HMCN1: variants seen among roughly 807,000 people sequenced by gnomAD.
The protein encoded by HMCN1 is hemicentin-1.
HMCN1 carries 321 observed loss-of-function variants against 625.9 expected under a neutral mutation model. The ratio of observed to expected loss-of-function variants is 0.51; its 90% CI spans 0.47 to 0.56. The LOEUF (loss-of-function observed/expected upper bound fraction) is 0.56, where lower values mean the gene tolerates loss of function less well. HMCN1 is among the 20% of genes least tolerant of loss of function. HMCN1 has a pLI of 0.00. For missense variants in HMCN1, 6,588 were observed against 6,887.3 expected, an observed-to-expected ratio of 0.96 and a Z score of 1.54; for synonymous variants, 2,425 against 2,417.6, an observed-to-expected ratio of 1.00 and a Z score of -0.09.
intron 97 of HMCN1, among the ~76,000 whole-genome samples, chr1:186,158,173 G>T (rs1164156922): frequency 6.7e-6 from 1 of 149,986 alleles, no homozygotes; most frequent in African/African-American, 2.5e-5. Flanking sequence ...GTTTTGATTT[G>T]CATTTCTCTG....
intron 1 of HMCN1, among the ~76,000 whole-genome samples, chr1:185,754,649 A>G (rs1454826147): frequency 6.6e-6 from 1 of 152,200 alleles, no homozygotes; most frequent in African/African-American, 2.4e-5. Flanking sequence ...AAGAAATTTG[A>G]GACCAGCCTG....
chr1:185,781,818 T>G (rs1657136775), intron 1 of HMCN1, among the ~76,000 whole-genome samples: 1 of 152,246 alleles, frequency 6.6e-6, no homozygotes, highest in Admixed American at 6.5e-5. Context: ...GAAGCATGTA[T>G]GTTCTGTTGA....
intron 11 of HMCN1, among the ~76,000 whole-genome samples, chr1:185,959,107 G>A (rs1161675050): frequency 6.6e-6 from 1 of 152,104 alleles, no homozygotes; most frequent in African/African-American, 2.4e-5. Flanking sequence ...ATATACCAGT[G>A]GTGACAAATA....
At chr1:185,848,283 T>A (rs1010430065) in intron 2 of HMCN1, among the ~76,000 whole-genome samples, 1 of 152,082 alleles carries the variant, frequency 6.6e-6, no homozygotes, top group African/African-American at 2.4e-5. Flanking sequence ...TTTTGCTAAA[T>A]GCAATGGAAA....
At chr1:186,174,230 A>G (rs1349742883) in intron 102 of HMCN1, among the ~76,000 whole-genome samples, 1 of 152,234 alleles carries the variant, frequency 6.6e-6, no homozygotes, top group Admixed American at 6.5e-5. Context: ...TTGTATAAAT[A>G]AGATGGCAAA....
chr1:186,027,466 A>G lies in HMCN1; in HGVS notation c.5749+4313A>G, dbSNP rs117532572. 1.3e-3 allele frequency among the ~76,000 whole-genome samples: 203 copies of G among 152,334 alleles called. 2 individuals are homozygous for G. The East Asian group carries it at 0.031, about 24-fold the overall frequency. On this transcript the variant is annotated intron_variant, in intron 36 of 106. Coordinates refer to ENST00000271588, the MANE Select transcript of HMCN1 (RefSeq NM_031935.3). ...AAATTAACCAAGGTGAAACACCCAGAAAAAGTAAAATATTGTGGCTTCAAA... is the reference window on the plus strand; with the variant it reads ...AAATTAACCAAGGTGAAACACCCAGGAAAAGTAAAATATTGTGGCTTCAAA...
intron 1 of HMCN1, among the ~76,000 whole-genome samples, chr1:185,838,424 A>C (rs951603510): frequency 6.6e-6 from 1 of 152,120 alleles, no homozygotes; most frequent in Admixed American, 6.5e-5. Flanking sequence ...TGCCCCACTC[A>C]AAGATGGTGC....
intron 70 of HMCN1, among the ~76,000 whole-genome samples, chr1:186,107,351 T>G (rs1045241035): frequency 1.3e-5 from 2 of 152,228 alleles, no homozygotes; most frequent in African/African-American, 4.8e-5. Context: ...TTTTGAGTTA[T>G]TTGATTAGTT....
chr1:186,014,792 A>T (rs1365862438), intron 30 of HMCN1, among the ~76,000 whole-genome samples: 6 of 152,152 alleles, frequency 3.9e-5, no homozygotes, highest in Non-Finnish European at 5.9e-5. Flanking sequence ...GTTGTACCAC[A>T]TGTGACATTT....
chr1:185,758,015 A>T (rs942046952), intron 1 of HMCN1, among the ~76,000 whole-genome samples: 3 of 152,220 alleles, frequency 2.0e-5, no homozygotes, highest in African/African-American at 4.8e-5. Flanking sequence ...AAAATGATTT[A>T]AAAAATCACC....
intron 4 of HMCN1, among the ~76,000 whole-genome samples, chr1:185,876,917 G>A (rs1663975687): frequency 6.6e-6 from 1 of 151,712 alleles, no homozygotes; most frequent in Non-Finnish European, 1.5e-5. Flanking sequence ...TTTTGTTTAA[G>A]TCCCATTTAT....
At position 186,112,994 on chromosome 1, in the gene HMCN1, A is replaced by G. The variant is rs200257427; in HGVS notation, c.11131+41A>G. 169 of 1,607,506 alleles carry G rather than the reference A, an allele frequency of 1.1e-4. No homozygotes were observed. The African/African-American group carries it at 1.7e-3, about 17-fold the overall frequency. ...CATTGTTCCACAATTTAAAAATCTG[A>G]CCAAGGGCATTCAAAGAGATGATAG... On this transcript the variant is annotated intron_variant, in intron 72 of 106. Transcript: ENST00000271588.
chr1:186,097,981 G>C (rs777196783), intron 68 of HMCN1, among the ~76,000 whole-genome samples: 2 of 152,118 alleles, frequency 1.3e-5, no homozygotes, highest in Non-Finnish European at 2.9e-5. Context: ...ATGGTGCTGG[G>C]AAAATTGGGA....
intron 35 of HMCN1, among the ~76,000 whole-genome samples, chr1:186,022,408 T>G (rs778450622): frequency 6.6e-6 from 1 of 152,102 alleles, no homozygotes; most frequent in Non-Finnish European, 1.5e-5. Context: ...CCAAATGCTA[T>G]AGATGGTAGA....
intron 47 of HMCN1, 59 bp downstream of exon 47, chr1:186,062,023 A>C (rs1657738412): frequency 9.2e-7 from 1 of 1,082,868 alleles, no homozygotes; most frequent in African/African-American, 1.6e-5. Context: ...TCCTGGAAGC[A>C]GAGTTAAAAT....
intron 64 of HMCN1, among the ~76,000 whole-genome samples, chr1:186,092,022 A>C (rs1659870102): frequency 6.6e-6 from 1 of 151,922 alleles, no homozygotes; most frequent in African/African-American, 2.4e-5. Flanking sequence ...ACCAAGTACT[A>C]CATATTTGAT....
chr1:185,758,402 A>C (rs140732364), intron 1 of HMCN1, among the ~76,000 whole-genome samples: 3 of 152,144 alleles, frequency 2.0e-5, no homozygotes, highest in Non-Finnish European at 4.4e-5. Context: ...TTGGGAGGCC[A>C]AGGTGGGTGG....
rs1655943604 is a variant in HMCN1, at chr1:186,037,925, C to A, written c.5750-9C>A. 2.0e-6 allele frequency: 3 copies of A among 1,527,688 alleles called. 1 individual carries two copies. Among genetic ancestry groups the A allele is most frequent in the South Asian group, 2.2e-5 (2 of 89,362 alleles). 94.6% of individuals were successfully genotyped at this position (1,527,688 alleles called of 1,614,324 possible). On this transcript the variant is annotated splice_polypyrimidine_tract_variant and intron_variant, in intron 36 of 106. Coordinates refer to ENST00000271588, the MANE Select transcript of HMCN1 (RefSeq NM_031935.3). ...ATAAGAAATAATTATCTGTTTGGGC[C>A]TCTTGTAGAACCACCTAGTCTGGAA...
At chr1:185,778,798 ATGC>A (rs1265753526) in intron 1 of HMCN1, among the ~76,000 whole-genome samples, 1 of 152,130 alleles carries the variant, frequency 6.6e-6, no homozygotes, top group Non-Finnish European at 1.5e-5. Flanking sequence ...TAGTGCTGTA[ATGC>A]ACATACGTGT....
Sources: allele counts gnomAD v4.1 joint callset (sites outside exome capture counted in the v4.1 genomes callset), GRCh38; gene constraint gnomAD v4.1.1; transcripts MANE v1.5; gene names NCBI Gene and HGNC (gene_info 2026-07-23, HGNC 2026-07-21).